Variants in NEK10 observed in about 807,000 individuals in gnomAD.
The protein encoded by NEK10 is serine/threonine-protein kinase Nek10.
NEK10 carries 122 observed loss-of-function variants against 159.8 expected under a neutral mutation model. The ratio of observed to expected loss-of-function variants is 0.76; its 90% CI spans 0.66 to 0.89. The LOEUF (loss-of-function observed/expected upper bound fraction) is 0.89. Ranked by LOEUF, NEK10 falls within the 40% of genes least tolerant of loss-of-function variation. The pLI, the probability that NEK10 is intolerant of heterozygous loss-of-function variation, is 0.00. For missense variants in NEK10, 1,342 were observed against 1,323.1 expected (o/e 1.01, Z -0.22); for synonymous variants, 466 against 457.1 (o/e 1.02, Z -0.25).
At chr3:27,219,768 A>T (rs1180423635) in intron 23 of NEK10, among the ~76,000 whole-genome samples, 2 of 152,200 alleles carry the variant, frequency 1.3e-5, no homozygotes, top group Non-Finnish European at 2.9e-5. Context: ...TCCAGATGGG[A>T]AGGAAAGAAG....
intron 32 of NEK10, among the ~76,000 whole-genome samples, chr3:27,126,272 C>G (rs1941936256): frequency 6.6e-6 from 1 of 152,100 alleles, no homozygotes; most frequent in African/African-American, 2.4e-5. Context: ...CAGAAAGGCC[C>G]ATGCCTACAG....
chr3:27,212,016 C>T (rs981895953), intron 23 of NEK10, among the ~76,000 whole-genome samples: 1 of 152,112 alleles, frequency 6.6e-6, no homozygotes, highest in Admixed American at 6.6e-5. Context: ...TATTCCTGTT[C>T]CAAATGCTAT....
At position 27,108,642 on chromosome 3, in the gene NEK10, A is replaced by G; in HGVS notation, c.*2630T>C. 6.6e-6 allele frequency among the ~76,000 whole-genome samples: 1 copy of G among 152,186 alleles called. No homozygotes were observed. The highest frequency in any genetic ancestry group is 1.9e-4 in the East Asian group (1 of 5,198). On this transcript the variant is annotated 3_prime_UTR_variant, in exon 36 of 36. Transcript: ENST00000691995. ...CACAACAAATCATTAAAAATTATAC[A>G]AGAGAAAGGGAAAAAATATATAAAT... is the stretch of plus-strand genomic sequence containing the variant.
At chr3:27,352,764 T>G in intron 2 of NEK10, 48 bp downstream of exon 2, 1 of 1,283,866 alleles carries the variant, frequency 7.8e-7, no homozygotes. Context: ...ATCTGTTCAA[T>G]GGCCACTGCC....
chr3:27,258,342 G>A (rs1246508697), intron 22 of NEK10, among the ~76,000 whole-genome samples: 3 of 151,520 alleles, frequency 2.0e-5, no homozygotes, highest in Non-Finnish European at 4.4e-5. Context: ...TTAACATTAG[G>A]TATATCTCCA....
rs960591464 is a variant in NEK10, at chr3:27,108,950, T to C, written c.*2322A>G. On this transcript the variant is annotated 3_prime_UTR_variant, in exon 36 of 36. Coordinates refer to ENST00000691995, the MANE Select transcript of NEK10 (RefSeq NM_001394966.1). ...GGAGAATTCAAATAGAGCATATTCA[T>C]ACTTTTAGCAAAACAATACATCTAT... Among the ~76,000 whole-genome samples the C allele has an allele frequency of 3.9e-5, 6 of 152,240 alleles. No individual in the cohort carries two copies. Among genetic ancestry groups the C allele is most frequent in the Non-Finnish European group, 7.3e-5 (5 of 68,042 alleles).
At position 27,111,337 on chromosome 3, in the gene NEK10, T is replaced by C. The variant is rs761399005; in HGVS notation, c.3300-17A>G. ...GAATGATACCTATAAGATTCAGAAG[T>C]GGAAAGAATTCTCTATAGTTACAAA... On this transcript the variant is annotated splice_polypyrimidine_tract_variant and intron_variant, in intron 35 of 35. Coordinates refer to ENST00000691995, the MANE Select transcript of NEK10 (RefSeq NM_001394966.1). 6.4e-7 allele frequency: 1 copy of C among 1,563,642 alleles called. No individual in the cohort carries two copies. The highest frequency in any genetic ancestry group is 1.4e-5 in the African/African-American group (1 of 72,530).
chr3:27,177,562 A>G (rs1947646873), intron 26 of NEK10, among the ~76,000 whole-genome samples: 1 of 151,686 alleles, frequency 6.6e-6, no homozygotes, highest in Non-Finnish European at 1.5e-5. Flanking sequence ...AAAAATATAT[A>G]TATATTTCTA....
intron 22 of NEK10, among the ~76,000 whole-genome samples, chr3:27,265,009 A>G (rs2040770809): frequency 6.6e-6 from 1 of 152,184 alleles, no homozygotes; most frequent in Admixed American, 6.5e-5. Flanking sequence ...TGATCATCTC[A>G]ACAGATGTGC....
chr3:27,341,653 TC>T (rs1274605549), intron 5 of NEK10, among the ~76,000 whole-genome samples: 2 of 152,200 alleles, frequency 1.3e-5, no homozygotes, highest in Non-Finnish European at 2.9e-5. Context: ...ACAAGTCTTT[TC>T]CAGTTTCAGA....
At chr3:27,150,939 G>A (rs1054224253) in intron 30 of NEK10, among the ~76,000 whole-genome samples, 3 of 152,146 alleles carry the variant, frequency 2.0e-5, no homozygotes, top group Non-Finnish European at 4.4e-5. Flanking sequence ...CAGACCCTCT[G>A]AAGGAAGCAG....
chr3:27,116,677 C>A (rs1161068268), intron 33 of NEK10, among the ~76,000 whole-genome samples: 1 of 151,930 alleles, frequency 6.6e-6, no homozygotes, highest in Admixed American at 6.6e-5. Flanking sequence ...TCATCATCAT[C>A]TTGTAGAGAT....
chr3:27,235,878 C>T (rs534288798), intron 23 of NEK10, among the ~76,000 whole-genome samples: 2 of 151,972 alleles, frequency 1.3e-5, no homozygotes, highest in East Asian at 1.9e-4. Flanking sequence ...ATGGAATCAA[C>T]GTAAATGCTC....
intron 23 of NEK10, among the ~76,000 whole-genome samples, chr3:27,235,592 A>T (rs1456770638): frequency 6.6e-6 from 1 of 152,194 alleles, no homozygotes; most frequent in East Asian, 1.9e-4. Flanking sequence ...AATGGCTATC[A>T]CTAAGAAGTC....
chr3:27,204,275 C>CTTTTTTTTTTTTTT (rs1203026508), intron 23 of NEK10, among the ~76,000 whole-genome samples: 21 of 63,954 alleles, frequency 3.3e-4, no homozygotes, highest in East Asian at 4.6e-4. Context: ...GATAAATTTT[C>CTTTTTTTTTTTTTT]TTTTTTTTTT....
intron 25 of NEK10, among the ~76,000 whole-genome samples, chr3:27,201,095 T>C (rs1321584632): frequency 1.3e-5 from 2 of 152,198 alleles, no homozygotes; most frequent in African/African-American, 2.4e-5. Flanking sequence ...AGTTTAAAAA[T>C]GGAAATTAAA....
chr3:27,270,041 T>C (rs1237884559), intron 22 of NEK10, among the ~76,000 whole-genome samples: 1 of 152,198 alleles, frequency 6.6e-6, no homozygotes, highest in African/African-American at 2.4e-5. Flanking sequence ...AGGAGGTGAA[T>C]CTTAATTGTC....
At chr3:27,313,621 C>T (rs1357781094) in intron 7 of NEK10, among the ~76,000 whole-genome samples, 1 of 152,072 alleles carries the variant, frequency 6.6e-6, no homozygotes, top group African/African-American at 2.4e-5. Context: ...AGTAAGACAC[C>T]GTTTCAAATA....
At chr3:27,284,452 C>T in intron 22 of NEK10, 150 bp downstream of exon 22, 1 of 563,846 alleles carries the variant, frequency 1.8e-6, no homozygotes, top group Non-Finnish European at 3.2e-6. Context: ...ATTTCAAGTG[C>T]TCAATAGCCA....
Sources: gnomAD v4.1 joint callset for allele counts (sites outside exome capture counted in the v4.1 genomes callset) on GRCh38, gnomAD v4.1.1 for gene constraint, MANE v1.5 for transcripts, NCBI Gene and HGNC (gene_info 2026-07-23, HGNC 2026-07-21) for gene names.